BMP5: variants seen among roughly 807,000 people sequenced by gnomAD.
BMP5 encodes bone morphogenetic protein 5.
A neutral mutation model predicts 46.6 loss-of-function variants in BMP5; 23 were observed. That is an observed-to-expected ratio of 0.49 (90% CI 0.35 to 0.70). The LOEUF is 0.70. Ranked by LOEUF, BMP5 falls within the 30% of genes least tolerant of loss-of-function variation. The pLI is 0.00. For synonymous variants in BMP5, 204 were observed against 191.9 expected, an observed-to-expected ratio of 1.06 and a Z score of -0.52; for missense variants, 545 against 565.6, an observed-to-expected ratio of 0.96 and a Z score of 0.37.
chr6:55,805,197 G>A (rs774119220), intron 2 of BMP5, among the ~76,000 whole-genome samples: 1 of 152,040 alleles, frequency 6.6e-6, no homozygotes, highest in African/African-American at 2.4e-5. Flanking sequence ...TTGGTATCAG[G>A]TGCCAATAAG....
intron 3 of BMP5, among the ~76,000 whole-genome samples, chr6:55,780,971 C>T (rs74542052): frequency 0.023 from 3,480 of 152,142 alleles, 123 homozygotes; most frequent in African/African-American, 0.078. Context: ...CTTGCTGTCT[C>T]GGGCATGACA....
intron 1 of BMP5, among the ~76,000 whole-genome samples, chr6:55,862,770 G>A (rs1777552689): frequency 1.3e-5 from 2 of 152,068 alleles, no homozygotes; most frequent in Admixed American, 1.3e-4. Context: ...ATTTCCCAGA[G>A]CTACACAAGC....
chr6:55,845,350 C>T (rs1226298648), intron 1 of BMP5, among the ~76,000 whole-genome samples: 1 of 151,894 alleles, frequency 6.6e-6, no homozygotes, highest in East Asian at 1.9e-4. Context: ...AACTAAATCT[C>T]TCTGCAGCAT....
chr6:55,867,244 G>A (rs1777667435), intron 1 of BMP5, among the ~76,000 whole-genome samples: 1 of 152,036 alleles, frequency 6.6e-6, no homozygotes, highest in Non-Finnish European at 1.5e-5. Context: ...TAGATGCATG[G>A]CATCTTTCTC....
At chr6:55,782,201 A>T (rs1775336038) in intron 3 of BMP5, among the ~76,000 whole-genome samples, 1 of 152,160 alleles carries the variant, frequency 6.6e-6, no homozygotes, top group Non-Finnish European at 1.5e-5. Flanking sequence ...TTTGGTCATT[A>T]CACTTTGTAC....
At chr6:55,819,430 A>G (rs573552825) in intron 2 of BMP5, among the ~76,000 whole-genome samples, 1 of 152,166 alleles carries the variant, frequency 6.6e-6, no homozygotes, top group Non-Finnish European at 1.5e-5. Context: ...GCATGAGACT[A>G]TTTAGTATAC....
chr6:55,787,895 T>C (rs913058872), intron 3 of BMP5, among the ~76,000 whole-genome samples: 18 of 151,592 alleles, frequency 1.2e-4, no homozygotes, highest in African/African-American at 4.4e-4. Flanking sequence ...ATCTCAGCTT[T>C]CCCAGCATTT....
At chr6:55,785,388 T>C (rs571054076) in intron 3 of BMP5, among the ~76,000 whole-genome samples, 25 of 151,840 alleles carry the variant, frequency 1.6e-4, no homozygotes, top group Admixed American at 3.3e-4. Flanking sequence ...GATCCGTTAT[T>C]TATGTTCAGT....
intron 1 of BMP5, among the ~76,000 whole-genome samples, chr6:55,851,228 G>A (rs1009951879): frequency 1.3e-5 from 2 of 151,064 alleles, no homozygotes; most frequent in Non-Finnish European, 2.9e-5. Context: ...ATTCTAAGCA[G>A]CTAGACAGGT....
chr6:55,863,420 A>G (rs1292911182), intron 1 of BMP5, among the ~76,000 whole-genome samples: 1 of 152,198 alleles, frequency 6.6e-6, no homozygotes, highest in African/African-American at 2.4e-5. Flanking sequence ...GGTGACTTTT[A>G]TAAGTTATTT....
chr6:55,795,280 T>A (rs183360219), intron 2 of BMP5, among the ~76,000 whole-genome samples: 45 of 152,258 alleles, frequency 3.0e-4, no homozygotes, highest in African/African-American at 1.1e-3. Context: ...CTCCTTAGTA[T>A]TGAAAACATT....
intron 1 of BMP5, among the ~76,000 whole-genome samples, chr6:55,824,880 CGTT>C (rs1227720018): frequency 6.6e-6 from 1 of 151,798 alleles, no homozygotes; most frequent in Non-Finnish European, 1.5e-5. Context: ...ACTCTTCTCT[CGTT>C]GTCATTTATG....
chr6:55,823,502 C>T (rs897794953), intron 1 of BMP5, among the ~76,000 whole-genome samples: 1 of 151,968 alleles, frequency 6.6e-6, no homozygotes, highest in Non-Finnish European at 1.5e-5. Context: ...ATTTAATCCC[C>T]GTGACCCTAC....
At chr6:55,806,155 C>T (rs1490907503) in intron 2 of BMP5, among the ~76,000 whole-genome samples, 2 of 152,112 alleles carry the variant, frequency 1.3e-5, no homozygotes, top group African/African-American at 4.8e-5. Flanking sequence ...TGCCTATGTC[C>T]TGAATGGTAT....
At chr6:55,807,639 C>CA (rs1348654249) in intron 2 of BMP5, among the ~76,000 whole-genome samples, 1 of 152,088 alleles carries the variant, frequency 6.6e-6, no homozygotes, top group Non-Finnish European at 1.5e-5. Context: ...GGAATGGTAC[C>CA]AGCTCCTCTT....
At position 55,755,434 on chromosome 6, in the gene BMP5, C is replaced by T. The variant is rs1322389228; in HGVS notation, c.*99G>A. The T allele has an allele frequency of 1.7e-6, 2 of 1,194,236 alleles. No homozygotes were observed. The highest frequency in any genetic ancestry group is 2.4e-6 in the Non-Finnish European group (2 of 826,462). The allele number at this position is 1,194,236 out of a possible 1,614,324, so 74.0% of individuals were successfully genotyped here. A position where few individuals can be genotyped will look rare whatever the true frequency, so the allele number is the denominator to read the frequency against. On this transcript the variant is annotated 3_prime_UTR_variant, in exon 7 of 7. Transcript: ENST00000370830. ...AGGAAAAGAGTCAAAATGAGCCAGA[C>T]TAATTTTAGGAAATTCCCCGTTTGT...
At chr6:55,778,545 CAAAACAAAACAA>C (rs1775233229) in intron 3 of BMP5, among the ~76,000 whole-genome samples, 1 of 151,620 alleles carries the variant, frequency 6.6e-6, no homozygotes, top group African/African-American at 2.4e-5. Flanking sequence ...TTTACAAAAA[CAAAACAAAACAA>C]AAAACAAACA....
intron 1 of BMP5, among the ~76,000 whole-genome samples, chr6:55,849,169 G>A (rs1777162159): frequency 6.6e-6 from 1 of 151,970 alleles, no homozygotes; most frequent in Non-Finnish European, 1.5e-5. Context: ...CAGGCACACT[G>A]CTGTGGTCTG....
chr6:55,765,566 T>C (rs1034628861), intron 4 of BMP5, among the ~76,000 whole-genome samples: 27 of 152,162 alleles, frequency 1.8e-4, no homozygotes, highest in African/African-American at 6.3e-4. Context: ...GATTTTGATA[T>C]GACCTTGGGG....
Sources: gnomAD v4.1 joint callset for allele counts (sites outside exome capture counted in the v4.1 genomes callset) on GRCh38, gnomAD v4.1.1 for gene constraint, MANE v1.5 for transcripts, NCBI Gene and HGNC (gene_info 2026-07-23, HGNC 2026-07-21) for gene names.